MTIF2: variants seen among roughly 807,000 people sequenced by gnomAD.
MTIF2 encodes translation initiation factor IF-2, mitochondrial.
A neutral mutation model predicts 83.5 loss-of-function variants in MTIF2; 71 were observed. That is an observed-to-expected ratio of 0.85 (90% CI 0.70 to 1.04). The LOEUF is 1.04. Among genes scored for constraint, MTIF2 ranks in the 50% least tolerant of loss-of-function variants. The pLI is 0.00. For missense variants in MTIF2, 957 were observed against 846.5 expected (o/e 1.13, Z -1.62); for synonymous variants, 319 against 287.1 (o/e 1.11, Z -1.12).
At chr2:55,244,315 T>C in intron 10 of MTIF2, 82 bp from the exon 11 acceptor site, 5 of 1,039,556 alleles carry the variant, frequency 4.8e-6, no homozygotes, top group African/African-American at 1.6e-5. Flanking sequence ...GTTTAAGTTA[T>C]ATAAACATGT....
chr2:55,253,226 A>G (rs1380998505), intron 7 of MTIF2, among the ~76,000 whole-genome samples: 1 of 152,338 alleles, frequency 6.6e-6, no homozygotes, highest in East Asian at 1.9e-4. Flanking sequence ...GGTGCTCAGC[A>G]CAGTACTGGA....
intron 12 of MTIF2, 80 bp downstream of exon 12, chr2:55,243,336 A>C: frequency 7.6e-7 from 1 of 1,316,774 alleles, no homozygotes; most frequent in Non-Finnish European, 1.0e-6. Context: ...TTTTCATGTA[A>C]ATGTAAAGGC....
chr2:55,239,945 C>T, intron 14 of MTIF2, 66 bp downstream of exon 14: 2 of 1,402,656 alleles, frequency 1.4e-6, no homozygotes, highest in Non-Finnish European at 1.9e-6. Flanking sequence ...CTAAGCTTTG[C>T]TTTGAAGTGC....
At chr2:55,237,507 A>C in intron 14 of MTIF2, 79 bp from the exon 15 acceptor site, 1 of 1,406,202 alleles carries the variant, frequency 7.1e-7, no homozygotes, top group Non-Finnish European at 9.4e-7. Flanking sequence ...TCTGTGGTAT[A>C]AGAATTAAAG....
At chr2:55,267,875 G>C (rs538732447) in intron 2 of MTIF2, 1 of 152,270 alleles carries the variant, frequency 6.6e-6, no homozygotes, top group African/African-American at 2.4e-5. Context: ...GTGTAATCGA[G>C]CAAGCATTTT....
Position 55,256,281 on chromosome 2 carries a change from T to C in MTIF2, c.332-1456A>G, listed in dbSNP as rs1558573246. On this transcript the variant is annotated intron_variant, in intron 5 of 15. Transcript: ENST00000263629. ...CCACTTATAATGAGAACTGATAGTATGTACAGACATACACACATATACACA... is the reference window on the plus strand; with the variant it reads ...CCACTTATAATGAGAACTGATAGTACGTACAGACATACACACATATACACA... Among the ~76,000 whole-genome samples the C allele has an allele frequency of 3.0e-5, 4 of 132,324 alleles. No homozygotes were observed. In the South Asian group the frequency reaches 1.0e-3, roughly 33 times the overall value. 86.8% of individuals were successfully genotyped at this position (132,324 alleles called of 152,430 possible). A position where few individuals can be genotyped will look rare whatever the true frequency, so the allele number is the denominator to read the frequency against.
Position 55,243,428 on chromosome 2 carries a change from C to G in MTIF2, c.1552G>C (p.Val518Leu). ...KRERDSNVLS[V>L]IIKGDVDGSV... ...TTTAAAAAGATACCTTTAATAATCA[C>G]AGAAAGTACATTTGAATCTCTTTCC... The change falls in exon 12 of 16, where the codon GTG (valine) becomes CTG (leucine). Residue 518 changes from valine (V) to leucine (L), a missense_variant. Physicochemically the swap from Val to Leu is conservative, Grantham distance 32. Around this residue, in one of 3 missense-constraint regions of MTIF2, gnomAD observed 733 missense variants for 648.7 expected, o/e 1.13. Transcript: ENST00000263629. 1 of 1,604,100 alleles carries G rather than the reference C, an allele frequency of 6.2e-7. No homozygotes were observed. The highest frequency in any genetic ancestry group is 1.1e-5 in the South Asian group (1 of 89,362).
At chr2:55,266,815 T>G (rs969555854) in intron 3 of MTIF2, among the ~76,000 whole-genome samples, 1 of 138,130 alleles carries the variant, frequency 7.2e-6, no homozygotes, top group Non-Finnish European at 1.5e-5. Flanking sequence ...TTGCCCAGGG[T>G]GGAGTTCAGT....
At chr2:55,266,763 C>CTTT (rs1216777992) in intron 3 of MTIF2, among the ~76,000 whole-genome samples, 173 of 86,218 alleles carry the variant, frequency 2.0e-3, no homozygotes, top group Admixed American at 2.4e-3. Flanking sequence ...ACATTTCATT[C>CTTT]TTTTTTTTTT....
At chr2:55,263,565 G>T in intron 4 of MTIF2, 75 bp downstream of exon 4, 1 of 1,161,224 alleles carries the variant, frequency 8.6e-7, no homozygotes, top group Non-Finnish European at 1.2e-6. Context: ...AGCTGAGATC[G>T]CGCCACGGCA....
At chr2:55,238,454 G>C (rs13012567) in intron 14 of MTIF2, among the ~76,000 whole-genome samples, 2 of 146,232 alleles carry the variant, frequency 1.4e-5, no homozygotes, top group African/African-American at 5.1e-5. Context: ...GCAATGGCGC[G>C]ATCTTGGCTC....
intron 4 of MTIF2, among the ~76,000 whole-genome samples, chr2:55,263,266 A>T (rs1678174034): frequency 6.6e-6 from 1 of 152,204 alleles, no homozygotes; most frequent in South Asian, 2.1e-4. Flanking sequence ...TTTCCAAGGA[A>T]CCAAATTCAT....
chr2:55,256,714 AT>A (rs397868333), intron 5 of MTIF2, among the ~76,000 whole-genome samples: 6 of 149,532 alleles, frequency 4.0e-5, no homozygotes, highest in African/African-American at 1.2e-4. Context: ...AAAAAAAAAA[AT>A]TTTTTTTGAG....
In MTIF2 at chr2:55,236,637, TTAATG is replaced by T. The variant is rs1558542699; in HGVS notation, c.*6_*10del. 3.2e-6 allele frequency: 5 copies of T among 1,578,076 alleles called. No individual in the cohort carries two copies. The highest frequency in any genetic ancestry group is 1.4e-5 in the African/African-American group (1 of 73,112). ...ACAACACGTTGAGTTATTTACATTT[TTAATG>T]TAATTTTAAAATCCTGGATCCCAAG... On this transcript the variant is annotated 3_prime_UTR_variant, in exon 16 of 16. Transcript: ENST00000263629.
At position 55,236,633 on chromosome 2, in the gene MTIF2, A is replaced by AT; in HGVS notation, c.*14dup. 1 of 1,574,402 alleles carries AT rather than the reference A, an allele frequency of 6.4e-7. No individual in the cohort carries two copies. Among genetic ancestry groups the AT allele is most frequent in the African/African-American group, 1.4e-5 (1 of 73,000 alleles). Reference sequence around the variant, plus strand: ...ACAAACAACACGTTGAGTTATTTACATTTTTAATGTAATTTTAAAATCCTG... The same window carrying AT: ...ACAAACAACACGTTGAGTTATTTACATTTTTTAATGTAATTTTAAAATCCTG... On this transcript the variant is annotated 3_prime_UTR_variant, in exon 16 of 16. Transcript: ENST00000263629.
chr2:55,267,709 A>G (rs1432686272), intron 2 of MTIF2, 74 bp from the exon 3 acceptor site: 1 of 153,896 alleles, frequency 6.5e-6, no homozygotes, highest in East Asian at 1.9e-4. Flanking sequence ...GGAGAAAATG[A>G]GATGATGTAT....
intron 10 of MTIF2, among the ~76,000 whole-genome samples, chr2:55,245,847 C>T (rs1232609157): frequency 6.6e-6 from 1 of 152,174 alleles, no homozygotes. Flanking sequence ...TCCCAGTCTC[C>T]ATCAGCTAAG....
intron 8 of MTIF2, among the ~76,000 whole-genome samples, chr2:55,249,833 T>C (rs893798086): frequency 3.5e-4 from 53 of 152,294 alleles, no homozygotes; most frequent in African/African-American, 1.2e-3. Flanking sequence ...GGCTCATGCC[T>C]GTAATCCTAG....
intron 15 of MTIF2, among the ~76,000 whole-genome samples, chr2:55,237,072 ACAGGATGGTACT>A (rs1429234117): frequency 6.6e-6 from 1 of 152,218 alleles, no homozygotes; most frequent in African/African-American, 2.4e-5. Flanking sequence ...TTTGCTGAGG[ACAGGATGGTACT>A]CAGGACTTGA....
Sources: allele counts gnomAD v4.1 joint callset (sites outside exome capture counted in the v4.1 genomes callset), GRCh38; gene constraint gnomAD v4.1.1; regional missense constraint gnomAD v4.1.1; transcripts MANE v1.5; gene names NCBI Gene and HGNC (gene_info 2026-07-23, HGNC 2026-07-21).